The following PSTPIP2 variants were observed in gnomAD, a reference collection of about 807,000 sequenced individuals.
PSTPIP2 encodes proline-serine-threonine phosphatase-interacting protein 2.
A neutral mutation model predicts 63.3 loss-of-function variants in PSTPIP2; 33 were observed. The observed-to-expected ratio is 0.52, with a 90% CI of 0.40 to 0.70. The LOEUF is 0.70. PSTPIP2 is among the 30% of genes least tolerant of loss of function. The pLI is 0.00. For synonymous variants in PSTPIP2, 125 were observed against 132.7 expected (o/e 0.94, Z 0.40); for missense variants, 312 against 400.7 (o/e 0.78, Z 1.89).
Position 46,011,166 on chromosome 18 carries a change from G to A in PSTPIP2, c.354+15C>T, listed in dbSNP as rs539230955. 42 of 1,592,878 alleles carry A rather than the reference G, an allele frequency of 2.6e-5. No individual in the cohort carries two copies. Among genetic ancestry groups the A allele is most frequent in the East Asian group, 8.9e-5 (4 of 44,764 alleles). ...AGGAGGAAAGGAAACACCTTAACACGTATGCAAATCCAACCTTTTTTCGTT... is the reference window on the plus strand; with the variant it reads ...AGGAGGAAAGGAAACACCTTAACACATATGCAAATCCAACCTTTTTTCGTT... On this transcript the variant is annotated intron_variant, in intron 5 of 14. Transcript: ENST00000409746.
intron 14 of PSTPIP2, among the ~76,000 whole-genome samples, chr18:45,988,028 G>A (rs1245368341): frequency 6.6e-6 from 1 of 152,178 alleles, no homozygotes; most frequent in Admixed American, 6.6e-5. Flanking sequence ...TAGATGGTGG[G>A]AGAGTAAGCT....
intron 6 of PSTPIP2, among the ~76,000 whole-genome samples, chr18:46,000,935 T>A (rs1399552383): frequency 6.6e-6 from 1 of 152,062 alleles, no homozygotes; most frequent in African/African-American, 2.4e-5. Context: ...TGAGAAAGAA[T>A]GGTTGACTAA....
At chr18:46,001,734 A>AT (rs972045586) in intron 6 of PSTPIP2, among the ~76,000 whole-genome samples, 41 of 151,324 alleles carry the variant, frequency 2.7e-4, no homozygotes, top group Admixed American at 7.9e-4. Context: ...CCCTTTCATT[A>AT]TTTTTTTTTA....
Position 46,066,066 on chromosome 18 carries a change from G to A in PSTPIP2, c.33+6090C>T, listed in dbSNP as rs142089126. ...TAATATTAAAAACTATTGGCCAGGT[G>A]CAGTAGCTCATGCCTGTAATCCCAG... On this transcript the variant is annotated intron_variant, in intron 1 of 14. Coordinates refer to ENST00000409746, the MANE Select transcript of PSTPIP2 (RefSeq NM_024430.4). Among the ~76,000 whole-genome samples, 275 of 152,160 alleles carry A rather than the reference G, an allele frequency of 1.8e-3. 1 individual carries two copies. Among genetic ancestry groups the A allele is most frequent in the African/African-American group, 6.4e-3 (264 of 41,536 alleles).
intron 1 of PSTPIP2, 63 bp downstream of exon 1, chr18:46,072,093 C>T (rs1203796586): frequency 6.6e-7 from 1 of 1,506,940 alleles, no homozygotes; most frequent in East Asian, 2.8e-5. Flanking sequence ...ACGCCCGCCG[C>T]GTTGGCCTCC....
At chr18:46,021,701 T>G (rs1907359279) in intron 3 of PSTPIP2, among the ~76,000 whole-genome samples, 1 of 151,472 alleles carries the variant, frequency 6.6e-6, no homozygotes, top group Non-Finnish European at 1.5e-5. Flanking sequence ...ATCCCAGCAC[T>G]TTGGGAGGCC....
At chr18:46,054,971 C>G in intron 1 of PSTPIP2, among the ~76,000 whole-genome samples, 1 of 152,244 alleles carries the variant, frequency 6.6e-6, no homozygotes. Flanking sequence ...CATATTTTAG[C>G]TTTGTAGGTA....
rs983970054 is a variant in PSTPIP2, at chr18:46,012,928, A to C, written c.248-1641T>G. Among the ~76,000 whole-genome samples the C allele has an allele frequency of 2.6e-5, 4 of 152,326 alleles. No individual in the cohort carries two copies. In the East Asian group the frequency reaches 5.8e-4, roughly 22 times the overall value. ...AATTGTGGACCACTGCCATGGTATA[A>C]TACTACTTATGTATATGAATAAACA... On this transcript the variant is annotated intron_variant, in intron 4 of 14. Coordinates refer to ENST00000409746, the MANE Select transcript of PSTPIP2 (RefSeq NM_024430.4).
intron 4 of PSTPIP2, among the ~76,000 whole-genome samples, chr18:46,015,116 G>A (rs2051839783): frequency 6.6e-6 from 1 of 152,138 alleles, no homozygotes; most frequent in Non-Finnish European, 1.5e-5. Flanking sequence ...GCTAGAAGAG[G>A]CCCAAAATTG....
At position 46,035,143 on chromosome 18, in the gene PSTPIP2, C is replaced by T. The variant is rs139672460; in HGVS notation, c.134+4804G>A. On this transcript the variant is annotated intron_variant, in intron 2 of 14. Coordinates refer to ENST00000409746, the MANE Select transcript of PSTPIP2 (RefSeq NM_024430.4). The stretch of plus-strand genomic sequence containing the variant: ...TGTTTCCTTTAAAGAGAAATAAGGT[C>T]GGGCATGGTGGCTCACACCTGTAAT... Among the ~76,000 whole-genome samples, 290 of 152,048 alleles carry T rather than the reference C, an allele frequency of 1.9e-3. 4 individuals carry two copies. Among genetic ancestry groups the T allele is most frequent in the Middle Eastern group, 0.01 (3 of 294 alleles).
intron 10 of PSTPIP2, among the ~76,000 whole-genome samples, chr18:45,993,240 G>A (rs995374146): frequency 6.6e-6 from 1 of 151,214 alleles, no homozygotes; most frequent in South Asian, 2.1e-4. Flanking sequence ...GATTACAGGG[G>A]TGCACCACCA....
At chr18:46,062,272 A>G (rs1388889745) in intron 1 of PSTPIP2, among the ~76,000 whole-genome samples, 1 of 152,098 alleles carries the variant, frequency 6.6e-6, no homozygotes, top group East Asian at 1.9e-4. Context: ...ATCTTGTTGC[A>G]TGCCTGGTGC....
At chr18:46,043,224 TAA>T (rs34454812) in intron 1 of PSTPIP2, among the ~76,000 whole-genome samples, 9 of 77,312 alleles carry the variant, frequency 1.2e-4, no homozygotes, top group East Asian at 9.5e-4. Flanking sequence ...CACCTCTCCT[TAA>T]AAAAAAAAAA....
intron 2 of PSTPIP2, among the ~76,000 whole-genome samples, chr18:46,034,690 A>C (rs567588654): frequency 6.6e-6 from 1 of 152,132 alleles, no homozygotes; most frequent in Non-Finnish European, 1.5e-5. Flanking sequence ...CCAGGGCCCA[A>C]ATTTTCTAGG....
chr18:46,036,762 G>C (rs1336901884), intron 2 of PSTPIP2, among the ~76,000 whole-genome samples: 3 of 152,176 alleles, frequency 2.0e-5, no homozygotes, highest in African/African-American at 7.2e-5. Flanking sequence ...GCAGTGCTGG[G>C]TTCCATCCAG....
Position 45,984,503 on chromosome 18 carries a change from AGGAAT to A in PSTPIP2, c.*951_*955del, listed in dbSNP as rs1485674692. 5 of 152,330 alleles carry A rather than the reference AGGAAT, an allele frequency of 3.3e-5. No homozygotes were observed. The highest frequency in any genetic ancestry group is 1.3e-4 in the Admixed American group (2 of 15,302). 9.4% of individuals were successfully genotyped at this position (152,330 alleles called of 1,614,324 possible). Reference sequence around the variant, plus strand: ...GTTTTATAACTCTAAAATTATCTTGAGGAATGGAATCAAAATATGGTATTTCATTG... The same window carrying A: ...GTTTTATAACTCTAAAATTATCTTGAGGAATCAAAATATGGTATTTCATTG... On this transcript the variant is annotated 3_prime_UTR_variant, in exon 15 of 15. Transcript: ENST00000409746.
chr18:46,056,025 G>C (rs1336522993), intron 1 of PSTPIP2, among the ~76,000 whole-genome samples: 2 of 152,128 alleles, frequency 1.3e-5, no homozygotes, highest in African/African-American at 4.8e-5. Flanking sequence ...TTCTCACTAG[G>C]ACAGCTTCTA....
At chr18:46,009,383 AAAAAAAAAC>A (rs1414507491) in intron 5 of PSTPIP2, among the ~76,000 whole-genome samples, 4 of 135,582 alleles carry the variant, frequency 3.0e-5, no homozygotes, top group African/African-American at 1.2e-4. Context: ...AAAAAAAAAA[AAAAAAAAAC>A]CTAGCTAAAT....
At chr18:45,988,005 A>T (rs76592572) in intron 14 of PSTPIP2, among the ~76,000 whole-genome samples, 4,608 of 152,260 alleles carry the variant, frequency 0.03, 113 homozygotes, top group South Asian at 0.11. Context: ...TTTTTATTTG[A>T]CTTTTCCTCT....
Sources: gnomAD v4.1 joint callset for allele counts (sites outside exome capture counted in the v4.1 genomes callset) on GRCh38, gnomAD v4.1.1 for gene constraint, MANE v1.5 for transcripts, NCBI Gene and HGNC (gene_info 2026-07-23, HGNC 2026-07-21) for gene names.